RING1: variants seen among roughly 807,000 people sequenced by gnomAD.
The protein encoded by RING1 is E3 ubiquitin-protein ligase RING1.
Under a neutral mutation model 35.0 loss-of-function variants are expected in RING1, and 8 were observed. That is an observed-to-expected ratio of 0.23 (90% CI 0.13 to 0.41). The LOEUF is 0.41. Ranked by LOEUF, RING1 falls within the 10% of genes least tolerant of loss-of-function variation. The pLI, the probability that RING1 is intolerant of heterozygous loss-of-function variation, is 1.00. For missense variants in RING1, 343 were observed against 546.8 expected, an observed-to-expected ratio of 0.63 and a Z score of 3.72; for synonymous variants, 214 against 224.3, an observed-to-expected ratio of 0.95 and a Z score of 0.41.
At position 33,209,921 on chromosome 6, in the gene RING1, G is replaced by A; in HGVS notation, c.246G>A (p.Lys82=). The change falls in exon 4 of 7, where the codon AAG becomes AAA. Residue 82 remains lysine, a synonymous_variant. Transcript: ENST00000374656. This position sits in a 1 kb window ranked among gnomAD's most constrained non-coding sequence, Gnocchi z 5.1. ...CIVTALRSGN[K]ECPTCRKKLV... ...TTCCCTTCTCCTACCCCAGGAACAAGGAGTGTCCTACCTGCCGAAAGAAGC... is the reference window on the plus strand; with the variant it reads ...TTCCCTTCTCCTACCCCAGGAACAAAGAGTGTCCTACCTGCCGAAAGAAGC... The A allele has an allele frequency of 3.1e-6, 5 of 1,614,134 alleles. No individual in the cohort carries two copies. Among genetic ancestry groups the A allele is most frequent in the Non-Finnish European group, 4.2e-6 (5 of 1,180,006 alleles).
Position 33,211,062 on chromosome 6 carries a change from G to A in RING1, c.456-96G>A, listed in dbSNP as rs183234183. 52 of 1,362,852 alleles carry A rather than the reference G, an allele frequency of 3.8e-5. No individual in the cohort carries two copies. The Admixed American group carries it at 4.6e-4, about 12-fold the overall frequency. The allele number at this position is 1,362,852 out of a possible 1,614,324, so 84.4% of individuals were successfully genotyped here. On this transcript the variant is annotated intron_variant, in intron 4 of 6. Coordinates refer to ENST00000374656, the MANE Select transcript of RING1 (RefSeq NM_002931.4). The surrounding 1 kb of genome is among the most constrained non-coding windows in gnomAD (Gnocchi z 6.3). Reference sequence around the variant, plus strand: ...TTGTGTTTAATAAATATTAGGTATCGTCATTAGGATTTTTCTTATCTCTTA... The same window carrying A: ...TTGTGTTTAATAAATATTAGGTATCATCATTAGGATTTTTCTTATCTCTTA...
Position 33,209,557 on chromosome 6 carries a change from A to G in RING1, c.79-69A>G. On this transcript the variant is annotated intron_variant, in intron 2 of 6. Transcript: ENST00000374656. The surrounding 1 kb of genome is among the most constrained non-coding windows in gnomAD (Gnocchi z 5.1). ...CTGTATTTCTCAAAATTCTTATTTT[A>G]TGGGCTGCTGTTTCTAAAACCCCTT... 1 of 1,475,342 alleles carries G rather than the reference A, an allele frequency of 6.8e-7. No individual in the cohort carries two copies. 91.4% of individuals were successfully genotyped at this position (1,475,342 alleles called of 1,614,324 possible).
rs1363419541 is a variant in RING1 at position 33,212,439 on chromosome 6, A to G, written c.*40A>G. 3 of 1,345,752 alleles carry G rather than the reference A, an allele frequency of 2.2e-6. No individual in the cohort carries two copies. Among genetic ancestry groups the G allele is most frequent in the East Asian group, 2.5e-5 (1 of 40,310 alleles). The allele number at this position is 1,345,752 out of a possible 1,614,324, so 83.4% of individuals were successfully genotyped here. On this transcript the variant is annotated 3_prime_UTR_variant, in exon 7 of 7. Coordinates refer to ENST00000374656, the MANE Select transcript of RING1 (RefSeq NM_002931.4). ...AGCCAGAGGAAGGGGACCATGGGGTATCCCTGTGTCCTGGTCTATCACCCC... is the reference window on the plus strand; with the variant it reads ...AGCCAGAGGAAGGGGACCATGGGGTGTCCCTGTGTCCTGGTCTATCACCCC...
Position 33,212,288 on chromosome 6 carries a change from C to G in RING1, c.1120-10C>G. 1 of 1,552,722 alleles carries G rather than the reference C, an allele frequency of 6.4e-7. No homozygotes were observed. The highest frequency in any genetic ancestry group is 8.8e-7 in the Non-Finnish European group (1 of 1,142,148). Reference sequence around the variant, plus strand: ...TCTTTTCCCCTCTCTCCCTTTTACCCCCTCCTCAGACGTTGAATGGCTCGC... The same window carrying G: ...TCTTTTCCCCTCTCTCCCTTTTACCGCCTCCTCAGACGTTGAATGGCTCGC... On this transcript the variant is annotated splice_polypyrimidine_tract_variant and intron_variant, in intron 6 of 6. Coordinates refer to ENST00000374656, the MANE Select transcript of RING1 (RefSeq NM_002931.4).
chr6:33,211,742 A>G lies in RING1; in HGVS notation c.859A>G (p.Thr287Ala), dbSNP rs1191384678. Residue 287 changes from threonine (T) to alanine (A), a missense_variant, in exon 6 of 7, where the codon ACT (threonine) becomes GCT (alanine). By Grantham distance (58) the Thr-to-Ala change is moderately conservative. Around this residue, in one of 2 missense-constraint regions of RING1, gnomAD observed 278 missense variants for 383.5 expected, o/e 0.72. Coordinates refer to ENST00000374656, the MANE Select transcript of RING1 (RefSeq NM_002931.4). The surrounding 1 kb of genome is among the most constrained non-coding windows in gnomAD (Gnocchi z 6.3). ...EYCQTRYVKT[T>A]GNATVDHLSK... ...CTCCCATTCCAGGTATGTGAAGACA[A>G]CTGGGAATGCCACAGTGGACCACCT... 1 of 1,548,224 alleles carries G rather than the reference A, an allele frequency of 6.5e-7. No individual in the cohort carries two copies. The highest frequency in any genetic ancestry group is 2.3e-5 in the East Asian group (1 of 44,296).
chr6:33,211,247 A>G lies in RING1; in HGVS notation c.545A>G (p.Asp182Gly). 6.2e-7 allele frequency: 1 copy of G among 1,612,686 alleles called. No homozygotes were observed. The highest frequency in any genetic ancestry group is 8.5e-7 in the Non-Finnish European group (1 of 1,179,940). Reference protein sequence around the residue: ...GEGEPGEGEGDGEDVSSDSAP... With the variant: ...GEGEPGEGEGGGEDVSSDSAP... ...GGAGAGCCCGGGGAGGGAGAAGGGG[A>G]TGGAGAAGATGTGAGCTCAGACTCC... Residue 182 changes from aspartate to glycine, a missense_variant, in exon 5 of 7, where the codon GAT becomes GGT. By Grantham distance (94) the Asp-to-Gly change is moderately conservative. Coordinates refer to ENST00000374656, the MANE Select transcript of RING1 (RefSeq NM_002931.4). This position sits in a 1 kb window ranked among gnomAD's most constrained non-coding sequence, Gnocchi z 6.3.
Position 33,212,592 on chromosome 6 carries a change from C to G in RING1, c.*193C>G. On this transcript the variant is annotated 3_prime_UTR_variant, in exon 7 of 7. Transcript: ENST00000374656. ...ATTGTACAGAGTGGGGCAAAACACGCCCCCATCTGCTGCCTTTTCTATTGC... is the reference window on the plus strand; with the variant it reads ...ATTGTACAGAGTGGGGCAAAACACGGCCCCATCTGCTGCCTTTTCTATTGC... 2.1e-6 allele frequency: 1 copy of G among 485,420 alleles called. No homozygotes were observed. The highest frequency in any genetic ancestry group is 3.6e-5 in the Admixed American group (1 of 27,906). The allele number at this position is 485,420 out of a possible 1,614,324, so 30.1% of individuals were successfully genotyped here.
rs1242484005 is a variant in RING1 at position 33,211,468 on chromosome 6, C to T, written c.766C>T (p.Pro256Ser). 6.2e-7 allele frequency: 1 copy of T among 1,606,574 alleles called. No individual in the cohort carries two copies. Among genetic ancestry groups the T allele is most frequent in the Non-Finnish European group, 8.5e-7 (1 of 1,176,904 alleles). The change falls in exon 5 of 7, where the codon CCA becomes TCA. Residue 256 changes from proline to serine, a missense_variant. This residue lies in a region of RING1 where 278 missense variants were observed against 383.5 expected (regional missense o/e 0.72). Transcript: ENST00000374656. The surrounding 1 kb of genome is among the most constrained non-coding windows in gnomAD (Gnocchi z 6.3). ...AAGCCCTCCTGGGGCCCCCAGCCCC[C>T]CAGAGCCAGGTGGAGAAATTGAGCT... ...PPSPPGAPSP[P>S]EPGGEIELVF...
chr6:33,209,160 T>C lies in RING1; in HGVS notation c.78+260T>C, dbSNP rs115201624. The C allele has an allele frequency of 0.04, 27,161 of 687,278 alleles. 792 individuals carry two copies. Among genetic ancestry groups the C allele is most frequent in the Middle Eastern group, 0.075 (325 of 4,322 alleles). The allele number at this position is 687,278 out of a possible 1,614,324, so 42.6% of individuals were successfully genotyped here. A position where few individuals can be genotyped will look rare whatever the true frequency, so the allele number is the denominator to read the frequency against. ...AAAAATTACCTTCCCTGTTCCTCATTCAGTGTCATAAGTCAGTGCACATAA... is the reference window on the plus strand; with the variant it reads ...AAAAATTACCTTCCCTGTTCCTCATCCAGTGTCATAAGTCAGTGCACATAA... On this transcript the variant is annotated intron_variant, in intron 2 of 6. Transcript: ENST00000374656. This position sits in a 1 kb window ranked among gnomAD's most constrained non-coding sequence, Gnocchi z 5.1.
Position 33,209,367 on chromosome 6 carries a change from T to A in RING1, c.79-259T>A, listed in dbSNP as rs1456433004. Among the ~76,000 whole-genome samples, 2 of 152,190 alleles carry A rather than the reference T, an allele frequency of 1.3e-5. No individual in the cohort carries two copies. The highest frequency in any genetic ancestry group is 2.9e-5 in the Non-Finnish European group (2 of 68,020). ...TTTTCCCAACCACAGATTTGTGCCA[T>A]CTTCACTCCTAGGCCACTTAGCCAC... On this transcript the variant is annotated intron_variant, in intron 2 of 6. Transcript: ENST00000374656. This position sits in a 1 kb window ranked among gnomAD's most constrained non-coding sequence, Gnocchi z 5.1.
chr6:33,211,224 A>G lies in RING1; in HGVS notation c.522A>G (p.Gly174=), dbSNP rs750633764. ...CCACAACGATGAGTGGGGGGGAAGGAGAGCCCGGGGAGGGAGAAGGGGATG... is the reference window on the plus strand; with the variant it reads ...CCACAACGATGAGTGGGGGGGAAGGGGAGCCCGGGGAGGGAGAAGGGGATG... ...DQTTTMSGGE[G]EPGEGEGDGE... Residue 174 remains glycine, a synonymous_variant, in exon 5 of 7, where the codon GGA becomes GGG. Transcript: ENST00000374656. This position sits in a 1 kb window ranked among gnomAD's most constrained non-coding sequence, Gnocchi z 6.3. 1.2e-6 allele frequency: 2 copies of G among 1,612,910 alleles called. No homozygotes were observed. Among genetic ancestry groups the G allele is most frequent in the East Asian group, 2.2e-5 (1 of 44,870 alleles).
In RING1 at chr6:33,209,565, C is replaced by T; in HGVS notation, c.79-61C>T. ...CTCAAAATTCTTATTTTATGGGCTGCTGTTTCTAAAACCCCTTTCCCTCTA... is the reference window on the plus strand; with the variant it reads ...CTCAAAATTCTTATTTTATGGGCTGTTGTTTCTAAAACCCCTTTCCCTCTA... On this transcript the variant is annotated intron_variant, in intron 2 of 6. Transcript: ENST00000374656. This position sits in a 1 kb window ranked among gnomAD's most constrained non-coding sequence, Gnocchi z 5.1. 6.6e-7 allele frequency: 1 copy of T among 1,521,718 alleles called. No individual in the cohort carries two copies. Among genetic ancestry groups the T allele is most frequent in the Non-Finnish European group, 9.0e-7 (1 of 1,112,564 alleles). 94.3% of individuals were successfully genotyped at this position (1,521,718 alleles called of 1,614,324 possible). A position where few individuals can be genotyped will look rare whatever the true frequency, so the allele number is the denominator to read the frequency against.
At chr6:33,210,878 A>G in intron 4 of RING1, among the ~76,000 whole-genome samples, 1 of 152,168 alleles carries the variant, frequency 6.6e-6, no homozygotes, top group East Asian at 1.9e-4. Context: ...GCACTTTGAG[A>G]GGTGACAGCC....
Position 33,211,559 on chromosome 6 carries a change from T to A in RING1, c.845+12T>A, listed in dbSNP as rs1335352347. The A allele has an allele frequency of 6.2e-7, 1 of 1,606,484 alleles. No individual in the cohort carries two copies. The highest frequency in any genetic ancestry group is 8.5e-7 in the Non-Finnish European group (1 of 1,178,796). ...TACTGCCAGACGAGGTGAGGAGCCC[T>A]GTCTTTCCCCAGCCACTGAGAAACC... is the stretch of plus-strand genomic sequence containing the variant. On this transcript the variant is annotated intron_variant, in intron 5 of 6. Transcript: ENST00000374656. The surrounding 1 kb of genome is among the most constrained non-coding windows in gnomAD (Gnocchi z 6.3).
At chr6:33,210,631 A>G (rs1775457415) in intron 4 of RING1, among the ~76,000 whole-genome samples, 1 of 152,124 alleles carries the variant, frequency 6.6e-6, no homozygotes, top group South Asian at 2.1e-4. Flanking sequence ...AAAAAAAGGA[A>G]AAATGTAGTT....
rs565297168 is a variant in RING1 at position 33,209,382 on chromosome 6, C to CA, written c.79-243dup. Reference sequence around the variant, plus strand: ...ATTTGTGCCATCTTCACTCCTAGGCCACTTAGCCACCTCAGATCCTCCTAT... The same window carrying CA: ...ATTTGTGCCATCTTCACTCCTAGGCCAACTTAGCCACCTCAGATCCTCCTAT... On this transcript the variant is annotated intron_variant, in intron 2 of 6. Transcript: ENST00000374656. This position sits in a 1 kb window ranked among gnomAD's most constrained non-coding sequence, Gnocchi z 5.1. Among the ~76,000 whole-genome samples, 40 of 152,288 alleles carry CA rather than the reference C, an allele frequency of 2.6e-4. No homozygotes were observed. The highest frequency in any genetic ancestry group is 8.7e-4 in the African/African-American group (36 of 41,548).
chr6:33,212,044 G>T (rs777183990), intron 6 of RING1, 42 bp downstream of exon 6: 2 of 1,451,838 alleles, frequency 1.4e-6, no homozygotes, highest in Admixed American at 4.7e-5. Flanking sequence ...GGGAGAGGAG[G>T]GAGGGTGGTC....
chr6:33,210,164 G>A, intron 4 of RING1, 34 bp downstream of exon 4: 1 of 1,596,628 alleles, frequency 6.3e-7, no homozygotes. Context: ...GAACTGATGG[G>A]ATGGGTCCGT....
At position 33,208,939 on chromosome 6, in the gene RING1, C is replaced by A. The variant is rs765241745; in HGVS notation, c.78+39C>A. The A allele has an allele frequency of 3.3e-4, 497 of 1,526,512 alleles. 2 individuals carry two copies. Among genetic ancestry groups the A allele is most frequent in the Non-Finnish European group, 3.7e-4 (415 of 1,108,310 alleles). The allele number at this position is 1,526,512 out of a possible 1,614,324, so 94.6% of individuals were successfully genotyped here. On this transcript the variant is annotated intron_variant, in intron 2 of 6. Coordinates refer to ENST00000374656, the MANE Select transcript of RING1 (RefSeq NM_002931.4). The surrounding 1 kb of genome is among the most constrained non-coding windows in gnomAD (Gnocchi z 6.2). ...TCCCTTTCAGGCTTACCCCCTCCCC[C>A]AAACCCTTATATCCACAGACCGCAT...
Sources: allele counts gnomAD v4.1 joint callset (sites outside exome capture counted in the v4.1 genomes callset), GRCh38; gene constraint gnomAD v4.1.1; regional missense constraint gnomAD v4.1.1; non-coding constraint Gnocchi (gnomAD v3.1); transcripts MANE v1.5; gene names NCBI Gene and HGNC (gene_info 2026-07-23, HGNC 2026-07-21).